The following KIF26A variants were observed in gnomAD, a reference collection of about 807,000 sequenced individuals.
KIF26A encodes kinesin-like protein KIF26A.
In KIF26A, 74 loss-of-function variants were observed where a neutral mutation model predicts 126.0. The ratio of observed to expected loss-of-function variants is 0.59; its 90% CI spans 0.49 to 0.71. The LOEUF (loss-of-function observed/expected upper bound fraction) is 0.71. Ranked by LOEUF, KIF26A falls within the 30% of genes least tolerant of loss-of-function variation. The pLI is 0.00. For missense variants in KIF26A, 2,984 were observed against 2,763.3 expected (o/e 1.08, Z -1.79); for synonymous variants, 1,445 against 1,232.7 (o/e 1.17, Z -3.61).
rs1489038183 is a variant in KIF26A at position 104,173,853 on chromosome 14, A to G, written c.2015A>G (p.Lys672Arg). 6.3e-7 allele frequency: 1 copy of G among 1,595,192 alleles called. No homozygotes were observed. Reference protein sequence around the residue: ...SVILALVNGAKHVPYRDHRLT... With the variant: ...SVILALVNGARHVPYRDHRLT... ...ATCTTGGCCCTGGTCAACGGAGCCA[A>G]GCATGTGCCGTATCGGTGAGTGTAG... Residue 672 changes from lysine (K) to arginine (R), a missense_variant, in exon 10 of 15, where the codon AAG (lysine) becomes AGG (arginine). Lys to Arg is a conservative substitution (Grantham distance 26, BLOSUM62 2). Transcript: ENST00000423312.
At chr14:104,154,457 T>C (rs1192781697) in intron 3 of KIF26A, among the ~76,000 whole-genome samples, 1 of 152,136 alleles carries the variant, frequency 6.6e-6, no homozygotes, top group Non-Finnish European at 1.5e-5. Flanking sequence ...ACATCCCACA[T>C]CTTGAGCATC....
At chr14:104,162,692 G>A (rs756561564) in intron 4 of KIF26A, among the ~76,000 whole-genome samples, 6 of 152,188 alleles carry the variant, frequency 3.9e-5, no homozygotes, top group South Asian at 2.1e-4. Flanking sequence ...GGAGGGTGGA[G>A]GAGCTGGCTC....
In KIF26A at chr14:104,177,264, GC is replaced by G. The variant is rs1566866581; in HGVS notation, c.4481del (p.Pro1494LeufsTer10). On this transcript the variant is annotated frameshift_variant, in exon 12 of 15. Coordinates refer to ENST00000423312, the MANE Select transcript of KIF26A (RefSeq NM_015656.2). LOFTEE classifies it high-confidence loss of function. ...CAGCCAAGGCTGTGGGGGCCCCCAA[GC>G]CCCCTGTTGGTGGAGGCAAGGGCCG... ...GAAKAVGAPKPPVGGGKGRGL... is the reference protein window; with the variant it reads ...GAAKAVGAPKXPVGGGKGRGL... 1 of 1,594,586 alleles carries G rather than the reference GC, an allele frequency of 6.3e-7. No homozygotes were observed. Among genetic ancestry groups the G allele is most frequent in the Non-Finnish European group, 8.5e-7 (1 of 1,173,956 alleles).
chr14:104,156,459 C>T (rs148372956), intron 3 of KIF26A, among the ~76,000 whole-genome samples: 1,920 of 152,196 alleles, frequency 0.013, 37 homozygotes, highest in African/African-American at 0.043. Flanking sequence ...CTGGAAGCCC[C>T]GGAGGAGTGG....
At position 104,176,956 on chromosome 14, in the gene KIF26A, G is replaced by T. The variant is rs1262474878; in HGVS notation, c.4168G>T (p.Val1390Phe). 1.3e-6 allele frequency: 2 copies of T among 1,535,104 alleles called. No individual in the cohort carries two copies. Among genetic ancestry groups the T allele is most frequent in the African/African-American group, 2.7e-5 (2 of 73,010 alleles). The part of the protein sequence containing the change: ...APPHAVNPAR[V>F]GAAAVLRGEE... The stretch of plus-strand genomic sequence containing the variant: ...TCCGCATGCTGTGAACCCGGCGCGG[G>T]TCGGGGCTGCTGCTGTCCTTCGAGG... Residue 1390 changes from valine to phenylalanine, a missense_variant, in exon 12 of 15, where the codon GTC becomes TTC. Physicochemically the swap from Val to Phe is conservative, Grantham distance 50. Transcript: ENST00000423312.
At chr14:104,157,711 C>A in intron 3 of KIF26A, 44 bp from the exon 4 acceptor site, 2 of 1,580,272 alleles carry the variant, frequency 1.3e-6, no homozygotes, top group African/African-American at 2.7e-5. Flanking sequence ...GCAGTGGTGT[C>A]TCTGCCCTTG....
At chr14:104,154,491 CGCCGGGCAGGGCTGTCCA>C (rs1473455683) in intron 3 of KIF26A, among the ~76,000 whole-genome samples, 1 of 152,178 alleles carries the variant, frequency 6.6e-6, no homozygotes, top group Non-Finnish European at 1.5e-5. Flanking sequence ...GCTATGGAGC[CGCCGGGCAGGGCTGTCCA>C]GCGGTTCTTC....
intron 4 of KIF26A, among the ~76,000 whole-genome samples, chr14:104,159,299 C>T (rs557479279): frequency 8.9e-4 from 135 of 152,362 alleles, no homozygotes; most frequent in African/African-American, 3.1e-3. Flanking sequence ...AATTAAAGGG[C>T]CTGTGCGGCT....
intron 2 of KIF26A, among the ~76,000 whole-genome samples, chr14:104,150,237 T>C (rs2037716577): frequency 7.8e-6 from 1 of 127,772 alleles, no homozygotes; most frequent in South Asian, 3.2e-4. Flanking sequence ...CCCTCCTCCT[T>C]CTCTGCAGGG....
chr14:104,139,167 C>T lies in KIF26A; in HGVS notation c.167C>T (p.Ala56Val). The change falls in exon 2 of 15, where the codon GCC becomes GTC. Residue 56 changes from alanine to valine, a missense_variant. By Grantham distance (64) the Ala-to-Val change is moderately conservative. Coordinates refer to ENST00000423312, the MANE Select transcript of KIF26A (RefSeq NM_015656.2). Reference sequence around the variant, plus strand: ...CGCCCTGCTCCCGAAGGCGCCGGGGCCGGCCCAGAGCAGGGCCACTCGGCC... The same window carrying T: ...CGCCCTGCTCCCGAAGGCGCCGGGGTCGGCCCAGAGCAGGGCCACTCGGCC... ...GSRPAPEGAG[A>V]GPEQGHSAGG... The T allele has an allele frequency of 6.6e-7, 1 of 1,526,710 alleles. No individual in the cohort carries two copies. The highest frequency in any genetic ancestry group is 8.8e-7 in the Non-Finnish European group (1 of 1,137,400). The allele number at this position is 1,526,710 out of a possible 1,614,324, so 94.6% of individuals were successfully genotyped here.
intron 4 of KIF26A, among the ~76,000 whole-genome samples, chr14:104,163,314 C>A (rs954058634): frequency 2.6e-5 from 4 of 152,204 alleles, no homozygotes; most frequent in Non-Finnish European, 5.9e-5. Flanking sequence ...GCTCTGCCCT[C>A]TGCGCTTCCC....
intron 2 of KIF26A, among the ~76,000 whole-genome samples, chr14:104,141,996 G>A (rs2037641959): frequency 6.6e-6 from 1 of 152,194 alleles, no homozygotes; most frequent in South Asian, 2.1e-4. Context: ...TAGGGACTCC[G>A]AGTCCCTGGG....
intron 2 of KIF26A, among the ~76,000 whole-genome samples, chr14:104,149,202 C>T (rs1268214710): frequency 2.6e-5 from 4 of 152,222 alleles, no homozygotes; most frequent in Non-Finnish European, 4.4e-5. Flanking sequence ...CTGCCCTGTG[C>T]CTTGAATTCC....
At chr14:104,170,059 T>G (rs2037942597) in intron 5 of KIF26A, among the ~76,000 whole-genome samples, 1 of 152,188 alleles carries the variant, frequency 6.6e-6, no homozygotes, top group Non-Finnish European at 1.5e-5. Flanking sequence ...GTGAGCCCGC[T>G]CTGCGATTAA....
Position 104,171,765 on chromosome 14 carries a change from C to G in KIF26A, c.1156C>G (p.Arg386Gly). ...LRIWPAQGAQ[R>G]SAEAMSFLKV... The stretch of plus-strand genomic sequence containing the variant: ...GATCTGGCCCGCACAGGGGGCCCAG[C>G]GCTCGGCCGAGGCCATGTCCTTCCT... The change falls in exon 6 of 15, where the codon CGC (arginine) becomes GGC (glycine). Residue 386 changes from arginine (R) to glycine (G), a missense_variant. Coordinates refer to ENST00000423312, the MANE Select transcript of KIF26A (RefSeq NM_015656.2). 1 of 1,580,492 alleles carries G rather than the reference C, an allele frequency of 6.3e-7. No homozygotes were observed. Among genetic ancestry groups the G allele is most frequent in the South Asian group, 1.2e-5 (1 of 86,256 alleles).
chr14:104,152,036 C>A lies in KIF26A; in HGVS notation c.310C>A (p.Leu104Ile). 2 of 1,612,650 alleles carry A rather than the reference C, an allele frequency of 1.2e-6. No homozygotes were observed. The highest frequency in any genetic ancestry group is 8.5e-7 in the Non-Finnish European group (1 of 1,179,788). Reference protein sequence around the residue: ...TLRDPCLSALLLDKLPAPGAL... With the variant: ...TLRDPCLSALILDKLPAPGAL... ...TCAGGATCCTTGCCTCTCTGCCCTG[C>A]TTCTCGACAAGCTACCAGCACCTGG... Residue 104 changes from leucine to isoleucine, a missense_variant, in exon 3 of 15, where the codon CTT (leucine) becomes ATT (isoleucine). Transcript: ENST00000423312. This position sits in a 1 kb window ranked among gnomAD's most constrained non-coding sequence, Gnocchi z 5.9.
At position 104,172,316 on chromosome 14, in the gene KIF26A, G is replaced by A. The variant is rs76294845; in HGVS notation, c.1327-259G>A. On this transcript the variant is annotated intron_variant, in intron 6 of 14. Transcript: ENST00000423312. ...TCTGCGCGTGGTGGTCTGCCCCTGCGCCCGGCGGCTGGACTTCTGGGCTTT... is the reference window on the plus strand; with the variant it reads ...TCTGCGCGTGGTGGTCTGCCCCTGCACCCGGCGGCTGGACTTCTGGGCTTT... Among the ~76,000 whole-genome samples the A allele has an allele frequency of 9.4e-3, 1,428 of 152,348 alleles. 16 individuals carry two copies. Among genetic ancestry groups the A allele is most frequent in the African/African-American group, 0.033 (1,358 of 41,578 alleles).
rs552048271 is a variant in KIF26A at position 104,159,890 on chromosome 14, G to A, written c.923+1948G>A. 2.0e-5 allele frequency among the ~76,000 whole-genome samples: 3 copies of A among 152,248 alleles called. No individual in the cohort carries two copies. The South Asian group carries it at 6.2e-4, about 32-fold the overall frequency. ...CCTCAGGGGTGAGATCAGAGGGGGT[G>A]TCCACTCCTGGGTTTTGTGGGTGTG... On this transcript the variant is annotated intron_variant, in intron 4 of 14. Transcript: ENST00000423312.
rs1469243656 is a variant in KIF26A at position 104,176,196 on chromosome 14, C to T, written c.3408C>T (p.Asp1136=). 1 of 1,600,840 alleles carries T rather than the reference C, an allele frequency of 6.2e-7. No homozygotes were observed. Among genetic ancestry groups the T allele is most frequent in the Non-Finnish European group, 8.5e-7 (1 of 1,174,908 alleles). ...DPTPQPRFSP[D]SLAGLDPGGP... Reference sequence around the variant, plus strand: ...CGCCGCAGCCCCGCTTCAGCCCCGACTCGCTGGCAGGGCTTGACCCTGGGG... The same window carrying T: ...CGCCGCAGCCCCGCTTCAGCCCCGATTCGCTGGCAGGGCTTGACCCTGGGG... Residue 1136 remains aspartate (D), a synonymous_variant, in exon 12 of 15, where the codon GAC becomes GAT. Transcript: ENST00000423312.
Sources: allele counts gnomAD v4.1 joint callset (sites outside exome capture counted in the v4.1 genomes callset), GRCh38; gene constraint gnomAD v4.1.1; non-coding constraint Gnocchi (gnomAD v3.1); transcripts MANE v1.5; gene names NCBI Gene and HGNC (gene_info 2026-07-23, HGNC 2026-07-21).